Variants in TULP4 observed in about 807,000 individuals in gnomAD.
TULP4 encodes the protein tubby-related protein 4.
Under a neutral mutation model 129.0 loss-of-function variants are expected in TULP4, and 16 were observed. The ratio of observed to expected loss-of-function variants is 0.12; its 90% CI spans 0.08 to 0.19. The LOEUF is 0.19. TULP4 is among the 10% of genes least tolerant of loss of function. The pLI is 1.00. For missense variants in TULP4, 1,842 were observed against 2,059.1 expected (o/e 0.89, Z 2.04); for synonymous variants, 998 against 854.0 (o/e 1.17, Z -2.94).
At chr6:158,354,129 G>C (rs1402536249) in intron 1 of TULP4, among the ~76,000 whole-genome samples, 2 of 152,214 alleles carry the variant, frequency 1.3e-5, no homozygotes, top group African/African-American at 4.8e-5. Context: ...CAGAGTAATT[G>C]TGTGACCACT....
chr6:158,278,890 C>T (rs1238796398), upstream of TULP4, among the ~76,000 whole-genome samples: 2 of 151,028 alleles, frequency 1.3e-5, no homozygotes, highest in African/African-American at 2.4e-5. Context: ...GCTTTCTTTA[C>T]GTAGGCCCCA....
chr6:158,404,765 ACT>A (rs1348779660), intron 1 of TULP4, among the ~76,000 whole-genome samples: 15 of 91,068 alleles, frequency 1.6e-4, no homozygotes, highest in African/African-American at 6.3e-4. Context: ...GACAGAGGAG[ACT>A]CTGTCTCAAA....
chr6:158,481,471 T>G (rs1583924614), intron 8 of TULP4, 182 bp downstream of exon 8: 1 of 647,072 alleles, frequency 1.5e-6, no homozygotes, highest in East Asian at 2.7e-5. Context: ...TCTCTAAATG[T>G]ACTTTTTGAC....
intron 1 of TULP4, among the ~76,000 whole-genome samples, chr6:158,374,324 A>AGACATTTTC (rs1480857330): frequency 6.6e-6 from 1 of 151,516 alleles, no homozygotes; most frequent in African/African-American, 2.4e-5. Context: ...AGTAAATAGC[A>AGACATTTTC]GACATTTTCC....
At chr6:158,285,052 A>G (rs1458428367) in intron 1 of TULP4, among the ~76,000 whole-genome samples, 3 of 152,082 alleles carry the variant, frequency 2.0e-5, no homozygotes, top group Non-Finnish European at 2.9e-5. Flanking sequence ...ATGATTCTCA[A>G]GGTCTTTGAT....
At chr6:158,409,930 A>G (rs1053805361) in intron 1 of TULP4, among the ~76,000 whole-genome samples, 8 of 151,554 alleles carry the variant, frequency 5.3e-5, no homozygotes, top group Non-Finnish European at 7.4e-5. Flanking sequence ...ATCTCGGCTC[A>G]CTGCAAGCTC....
chr6:158,494,381 A>G (rs975891836), intron 10 of TULP4, among the ~76,000 whole-genome samples: 9 of 152,228 alleles, frequency 5.9e-5, no homozygotes, highest in African/African-American at 2.2e-4. Flanking sequence ...TTGAATGAGA[A>G]AACAAATGAT....
intron 3 of TULP4, among the ~76,000 whole-genome samples, chr6:158,438,694 C>T (rs910029770): frequency 6.6e-6 from 1 of 152,066 alleles, no homozygotes; most frequent in East Asian, 1.9e-4. Flanking sequence ...AAGTGATTCT[C>T]CTACCTCAGC....
intron 1 of TULP4, among the ~76,000 whole-genome samples, chr6:158,399,230 C>T (rs181847052): frequency 6.6e-6 from 1 of 152,284 alleles, no homozygotes; most frequent in East Asian, 1.9e-4. Context: ...ATCTTGCTAA[C>T]CCTTGGCAGT....
chr6:158,471,407 G>A lies in TULP4; in HGVS notation c.1027-8344G>A, dbSNP rs192306113. Among the ~76,000 whole-genome samples, 157 of 152,282 alleles carry A rather than the reference G, an allele frequency of 1.0e-3. 2 individuals are homozygous for A. Among genetic ancestry groups the A allele is most frequent in the Non-Finnish European group, 1.6e-3 (108 of 68,020 alleles). ...AGTGTAGTAGCAGGGCCAAGGAGTC[G>A]AAGGAATCTAGGAAACTGCTAAGGA... On this transcript the variant is annotated intron_variant, in intron 6 of 13. Transcript: ENST00000367097.
At chr6:158,250,761 C>T (rs1028067608) in intron 1 of TULP4, among the ~76,000 whole-genome samples, 19 of 152,136 alleles carry the variant, frequency 1.2e-4, no homozygotes, top group African/African-American at 4.3e-4. Context: ...TCTTTCTCCC[C>T]CACATGACTG....
In TULP4 at chr6:158,454,172, G is replaced by C. The variant is rs558716171; in HGVS notation, c.859+1904G>C. Among the ~76,000 whole-genome samples the C allele has an allele frequency of 1.8e-4, 28 of 152,254 alleles. 1 individual carries two copies. Among genetic ancestry groups the C allele is most frequent in the Admixed American group, 1.7e-3 (26 of 15,290 alleles). On this transcript the variant is annotated intron_variant, in intron 5 of 13. Transcript: ENST00000367097. ...TAAAGTCCTGAGGGACATGAATGAC[G>C]TTGAAGTCCTTTTTATCACACATAG... is the stretch of plus-strand genomic sequence containing the variant.
At chr6:158,323,217 A>G (rs2128488047) in intron 1 of TULP4, among the ~76,000 whole-genome samples, 1 of 152,156 alleles carries the variant, frequency 6.6e-6, no homozygotes, top group East Asian at 1.9e-4. Flanking sequence ...TTTTGACTAT[A>G]CTGTGAAATG....
chr6:158,244,825 C>CTATT (rs1288981477), intron 1 of TULP4, among the ~76,000 whole-genome samples: 1 of 151,758 alleles, frequency 6.6e-6, no homozygotes, highest in African/African-American at 2.4e-5. Context: ...GACTTTGTCT[C>CTATT]TATTTATTTA....
intron 1 of TULP4, among the ~76,000 whole-genome samples, chr6:158,244,817 C>T (rs1219172232): frequency 6.6e-6 from 1 of 151,926 alleles, no homozygotes; most frequent in African/African-American, 2.4e-5. Context: ...CATAGCGAGA[C>T]TTTGTCTCTA....
intron 1 of TULP4, among the ~76,000 whole-genome samples, chr6:158,253,021 G>C (rs1778173247): frequency 6.6e-6 from 1 of 152,218 alleles, no homozygotes; most frequent in African/African-American, 2.4e-5. Flanking sequence ...CGTTGGCAGG[G>C]ATGCTGCTTT....
chr6:158,490,431 C>G (rs577061096), intron 9 of TULP4, among the ~76,000 whole-genome samples: 1 of 152,118 alleles, frequency 6.6e-6, no homozygotes, highest in South Asian at 2.1e-4. Context: ...CCTGTAATGC[C>G]GTAATTGGGA....
rs369729787 is a variant in TULP4 at position 158,344,947 on chromosome 6, A to T, written c.252+30679A>T. On this transcript the variant is annotated intron_variant, in intron 1 of 13. Transcript: ENST00000367097. ...AATTAAAAGTGCTACTCCAGTGAACATGTGAATGATAAGAAAGCAAAACAG... is the reference window on the plus strand; with the variant it reads ...AATTAAAAGTGCTACTCCAGTGAACTTGTGAATGATAAGAAAGCAAAACAG... 6.0e-4 allele frequency among the ~76,000 whole-genome samples: 91 copies of T among 152,368 alleles called. 1 individual carries two copies. The highest frequency in any genetic ancestry group is 1.9e-3 in the African/African-American group (80 of 41,596).
chr6:158,363,763 G>A (rs1780854023), intron 1 of TULP4, among the ~76,000 whole-genome samples: 2 of 152,102 alleles, frequency 1.3e-5, no homozygotes, highest in African/African-American at 4.8e-5. Context: ...GGGATTACAG[G>A]CGTGAGCCAC....
Sources: gnomAD v4.1 joint callset for allele counts (sites outside exome capture counted in the v4.1 genomes callset) on GRCh38, gnomAD v4.1.1 for gene constraint, MANE v1.5 for transcripts, NCBI Gene and HGNC (gene_info 2026-07-23, HGNC 2026-07-21) for gene names.